Variants in ITCH observed in about 807,000 individuals in gnomAD.
ITCH encodes E3 ubiquitin-protein ligase Itchy homolog.
A neutral mutation model predicts 126.8 loss-of-function variants in ITCH; 28 were observed. The observed-to-expected ratio is 0.22, with a 90% CI of 0.16 to 0.30. The LOEUF (loss-of-function observed/expected upper bound fraction) is 0.30, where lower values mean the gene tolerates loss of function less well. ITCH is among the 10% of genes least tolerant of loss of function. ITCH has a pLI of 1.00. For synonymous variants in ITCH, 342 were observed against 340.0 expected, an observed-to-expected ratio of 1.01 and a Z score of -0.06; for missense variants, 631 against 1,032.4, an observed-to-expected ratio of 0.61 and a Z score of 5.33.
chr20:34,415,379 CA>C (rs951622819), intron 6 of ITCH, among the ~76,000 whole-genome samples: 2 of 151,230 alleles, frequency 1.3e-5, no homozygotes, highest in African/African-American at 4.9e-5. Flanking sequence ...GGCAACATAA[CA>C]AAACCCCATC....
At chr20:34,386,007 G>C (rs2038269097) in intron 2 of ITCH, among the ~76,000 whole-genome samples, 1 of 152,094 alleles carries the variant, frequency 6.6e-6, no homozygotes, top group Non-Finnish European at 1.5e-5. Context: ...TTATGGAAAT[G>C]GGTATTTACC....
rs376762756 is a variant in ITCH, at chr20:34,445,260, G to GTTTTTTTTTT, written c.966-19_966-10dup. 5.7e-5 allele frequency: 82 copies of GTTTTTTTTTT among 1,436,142 alleles called. 1 individual carries two copies. The highest frequency in any genetic ancestry group is 1.7e-4 in the East Asian group (7 of 41,044). 89.0% of individuals were successfully genotyped at this position (1,436,142 alleles called of 1,614,324 possible). ...TCACAAGTATTTGTTGAATTAGCTT[G>GTTTTTTTTTT]TTTTTTTTTTTTTTTTTCTGATTTA... On this transcript the variant is annotated intron_variant, in intron 10 of 24. Transcript: ENST00000374864.
At chr20:34,496,259 T>C (rs1002752150) in intron 23 of ITCH, among the ~76,000 whole-genome samples, 1 of 152,246 alleles carries the variant, frequency 6.6e-6, no homozygotes, top group African/African-American at 2.4e-5. Context: ...CATTGTTATT[T>C]TGAGAGATAT....
chr20:34,448,873 T>G (rs781710449), intron 11 of ITCH, among the ~76,000 whole-genome samples: 24 of 152,202 alleles, frequency 1.6e-4, no homozygotes, highest in Non-Finnish European at 1.6e-4. Flanking sequence ...TTAAGAAGTC[T>G]TCCATACAGT....
intron 2 of ITCH, among the ~76,000 whole-genome samples, chr20:34,383,699 A>T (rs563227008): frequency 8.1e-4 from 122 of 150,558 alleles, no homozygotes; most frequent in African/African-American, 2.6e-3. Context: ...ATTTATTATT[A>T]TTTTTTTTAA....
chr20:34,444,276 G>A (rs996647039), intron 10 of ITCH, among the ~76,000 whole-genome samples: 1 of 151,980 alleles, frequency 6.6e-6, no homozygotes, highest in Non-Finnish European at 1.5e-5. Flanking sequence ...TACATATTTT[G>A]TACCCATTTA....
At chr20:34,413,164 G>A (rs1438417095) in intron 5 of ITCH, among the ~76,000 whole-genome samples, 1 of 152,020 alleles carries the variant, frequency 6.6e-6, no homozygotes, top group Non-Finnish European at 1.5e-5. Flanking sequence ...GGGACTATAG[G>A]CAGGTACCAC....
intron 7 of ITCH, among the ~76,000 whole-genome samples, chr20:34,431,537 A>G (rs960120234): frequency 6.6e-6 from 1 of 152,186 alleles, no homozygotes; most frequent in African/African-American, 2.4e-5. Context: ...TTTGGGAATC[A>G]TTCTCTGAGA....
intron 20 of ITCH, among the ~76,000 whole-genome samples, chr20:34,482,605 A>G (rs1307134479): frequency 1.3e-5 from 2 of 152,230 alleles, no homozygotes; most frequent in Non-Finnish European, 2.9e-5. Flanking sequence ...CTTGGGCAAC[A>G]CTGCCCTTGG....
At chr20:34,368,053 G>A (rs1472079558) in intron 1 of ITCH, among the ~76,000 whole-genome samples, 3 of 152,050 alleles carry the variant, frequency 2.0e-5, no homozygotes, top group Non-Finnish European at 4.4e-5. Flanking sequence ...GGCAGATCAC[G>A]AGGTCAGGAG....
intron 24 of ITCH, among the ~76,000 whole-genome samples, chr20:34,505,038 T>G (rs1203355269): frequency 6.6e-6 from 1 of 151,938 alleles, no homozygotes; most frequent in African/African-American, 2.4e-5. Context: ...GTTTTTTTGT[T>G]TGTTTGTTTG....
intron 2 of ITCH, among the ~76,000 whole-genome samples, chr20:34,373,811 T>C (rs1160075789): frequency 6.6e-6 from 1 of 152,218 alleles, no homozygotes; most frequent in Non-Finnish European, 1.5e-5. Context: ...ACTAACTTGC[T>C]TGCTTTCTGA....
chr20:34,452,352 T>A (rs1322879229), intron 12 of ITCH, among the ~76,000 whole-genome samples: 1 of 152,228 alleles, frequency 6.6e-6, no homozygotes, highest in Non-Finnish European at 1.5e-5. Flanking sequence ...AAGATCCAGC[T>A]TAGCCAGGTT....
At chr20:34,399,431 C>T (rs1300144456) in intron 3 of ITCH, among the ~76,000 whole-genome samples, 1 of 151,890 alleles carries the variant, frequency 6.6e-6, no homozygotes, top group Non-Finnish European at 1.5e-5. Flanking sequence ...CAAATGTCAC[C>T]ATGTATTGTA....
At chr20:34,418,475 G>T (rs1980260971) in intron 6 of ITCH, among the ~76,000 whole-genome samples, 1 of 151,856 alleles carries the variant, frequency 6.6e-6, no homozygotes, top group Admixed American at 6.6e-5. Context: ...TAACGTTAGG[G>T]TAAACCATTT....
chr20:34,496,663 C>T (rs1021137128), intron 23 of ITCH, among the ~76,000 whole-genome samples: 2 of 151,624 alleles, frequency 1.3e-5, no homozygotes, highest in African/African-American at 2.4e-5. Flanking sequence ...ATTAGCTGGG[C>T]GTGGTGGCGC....
chr20:34,376,118 T>C (rs1376256371), intron 2 of ITCH, among the ~76,000 whole-genome samples: 1 of 152,040 alleles, frequency 6.6e-6, no homozygotes, highest in Non-Finnish European at 1.5e-5. Flanking sequence ...TGGGCAGAAT[T>C]TGTCTTGTGG....
intron 24 of ITCH, among the ~76,000 whole-genome samples, chr20:34,506,771 A>G (rs1270744063): frequency 6.6e-6 from 1 of 152,106 alleles, no homozygotes; most frequent in Non-Finnish European, 1.5e-5. Context: ...ACATCATTCT[A>G]CTACTGTTTC....
At chr20:34,489,530 A>T in intron 21 of ITCH, 144 bp downstream of exon 21, 1 of 805,300 alleles carries the variant, frequency 1.2e-6, no homozygotes, top group Non-Finnish European at 2.1e-6. Flanking sequence ...CCAATGGTTA[A>T]AGAAAATCAT....
Sources: allele counts gnomAD v4.1 joint callset (sites outside exome capture counted in the v4.1 genomes callset), GRCh38; gene constraint gnomAD v4.1.1; transcripts MANE v1.5; gene names NCBI Gene and HGNC (gene_info 2026-07-23, HGNC 2026-07-21).